CNR2: variants seen among roughly 807,000 people sequenced by gnomAD.
The protein encoded by CNR2 is cannabinoid receptor 2 (macrophage).
For synonymous variants in CNR2, 172 were observed against 182.2 expected (o/e 0.94, Z 0.45); for missense variants, 379 against 439.9 (o/e 0.86, Z 1.24).
Position 23,875,428 on chromosome 1 carries a change from G to GCC in CNR2, c.189_190insGG (p.Leu64GlyfsTer30). 1 of 1,614,252 alleles carries GCC rather than the reference G, an allele frequency of 6.2e-7. No homozygotes were observed. On this transcript the variant is annotated frameshift_variant, in exon 2 of 2. Coordinates refer to ENST00000374472, the MANE Select transcript of CNR2 (RefSeq NM_001841.3). LOFTEE classifies it high-confidence loss of function. ...AACAGGTATGAGGGCTTCCGGCGGA[G>GCC]TTGGTGGGAGGACAGGATCAGATAG...
chr1:23,875,334 T>C lies in CNR2; in HGVS notation c.284A>G (p.His95Arg), dbSNP rs746058590. ...CTTGGAATCCACACCATGGAAAACA[T>C]GGAAATTCACAAAGCTGCATGCAAA... is the stretch of plus-strand genomic sequence containing the variant. ...VVFACSFVNFHVFHGVDSKAV... is the reference protein window; with the variant it reads ...VVFACSFVNFRVFHGVDSKAV... Residue 95 changes from histidine (H) to arginine (R), a missense_variant, in exon 2 of 2, where the codon CAT becomes CGT. His to Arg is a conservative substitution (Grantham distance 29). Coordinates refer to ENST00000374472, the MANE Select transcript of CNR2 (RefSeq NM_001841.3). 1.2e-6 allele frequency: 2 copies of C among 1,614,118 alleles called. No individual in the cohort carries two copies. The highest frequency in any genetic ancestry group is 1.7e-6 in the Non-Finnish European group (2 of 1,180,034).
chr1:23,908,725 T>C (rs1640538831), intron 1 of CNR2, among the ~76,000 whole-genome samples: 1 of 152,060 alleles, frequency 6.6e-6, no homozygotes, highest in African/African-American at 2.4e-5. Context: ...TCTGGCTCCT[T>C]CCTTGCTCTC....
At chr1:23,892,171 G>A (rs1475273186) in intron 1 of CNR2, among the ~76,000 whole-genome samples, 1 of 152,222 alleles carries the variant, frequency 6.6e-6, no homozygotes, top group Non-Finnish European at 1.5e-5. Context: ...TGAACTAGAA[G>A]GATGGTGCCT....
At chr1:23,880,469 T>C (rs61778165) in intron 1 of CNR2, among the ~76,000 whole-genome samples, 9,338 of 152,132 alleles carry the variant, frequency 0.061, 358 homozygotes, top group South Asian at 0.12. Flanking sequence ...CCACTGCACC[T>C]AGCCCAACCT....
intron 1 of CNR2, among the ~76,000 whole-genome samples, chr1:23,904,434 C>T (rs1353965856): frequency 6.6e-6 from 1 of 152,100 alleles, no homozygotes; most frequent in African/African-American, 2.4e-5. Flanking sequence ...GTGCTGCTTC[C>T]AAGTGCTGGG....
chr1:23,912,081 C>A (rs1640597155), intron 1 of CNR2, among the ~76,000 whole-genome samples: 1 of 152,198 alleles, frequency 6.6e-6, no homozygotes, highest in Non-Finnish European at 1.5e-5. Context: ...CCTGTGCCCG[C>A]ATCAGACAGT....
At chr1:23,879,585 T>G (rs1226867836) in intron 1 of CNR2, among the ~76,000 whole-genome samples, 7 of 152,116 alleles carry the variant, frequency 4.6e-5, no homozygotes, top group Non-Finnish European at 8.8e-5. Flanking sequence ...CACACTCCAG[T>G]GTGGGTGACA....
At position 23,878,510 on chromosome 1, in the gene CNR2, G is replaced by C. The variant is rs149021696; in HGVS notation, c.-45-2848C>G. Among the ~76,000 whole-genome samples the C allele has an allele frequency of 8.9e-3, 1,347 of 151,616 alleles. 16 individuals carry two copies. Among genetic ancestry groups the C allele is most frequent in the African/African-American group, 0.027 (1,128 of 41,294 alleles). On this transcript the variant is annotated intron_variant, in intron 1 of 1. Coordinates refer to ENST00000374472, the MANE Select transcript of CNR2 (RefSeq NM_001841.3). ...TCTCCAGCTTCAGCCTCCTGACATA[G>C]CTGAGACTACAGGTGTGCACCACCA... is the stretch of plus-strand genomic sequence containing the variant.
intron 1 of CNR2, among the ~76,000 whole-genome samples, chr1:23,877,030 G>T (rs1433367284): frequency 6.6e-6 from 1 of 151,990 alleles, no homozygotes; most frequent in Non-Finnish European, 1.5e-5. Context: ...ACATATAAAG[G>T]CCCGTGAAAT....
intron 1 of CNR2, among the ~76,000 whole-genome samples, chr1:23,898,335 C>CCTT (rs1230917304): frequency 9.2e-6 from 1 of 108,194 alleles, no homozygotes. Context: ...CCGCGCCCGG[C>CCTT]TTTTTTTTTT....
At chr1:23,909,783 A>G (rs1428742951) in intron 1 of CNR2, among the ~76,000 whole-genome samples, 2 of 152,032 alleles carry the variant, frequency 1.3e-5, no homozygotes. Context: ...CACAGTAAAG[A>G]CAACCCTGAT....
At chr1:23,890,640 G>T (rs931078830) in intron 1 of CNR2, among the ~76,000 whole-genome samples, 38 of 151,930 alleles carry the variant, frequency 2.5e-4, no homozygotes, top group African/African-American at 7.0e-4. Context: ...AGCTACTCGG[G>T]AGGCTGAGGC....
intron 1 of CNR2, among the ~76,000 whole-genome samples, chr1:23,888,620 TGTAAGA>T (rs1440204497): frequency 2.0e-5 from 3 of 152,032 alleles, no homozygotes; most frequent in African/African-American, 7.2e-5. Flanking sequence ...GCTGTACAGA[TGTAAGA>T]GTAAAAGAGA....
At position 23,913,282 on chromosome 1, in the gene CNR2, G is replaced by A. The variant is rs1017356822; in HGVS notation, c.-82C>T. The A allele has an allele frequency of 5.2e-5, 8 of 153,424 alleles. No individual in the cohort carries two copies. Among genetic ancestry groups the A allele is most frequent in the Non-Finnish European group, 8.7e-5 (6 of 68,764 alleles). 9.5% of individuals were successfully genotyped at this position (153,424 alleles called of 1,614,324 possible). A position where few individuals can be genotyped will look rare whatever the true frequency, so the allele number is the denominator to read the frequency against. ...GGGTGGCTGGGCACTGGGAGCTGCCGGGGGCTGAGGAGTCCCAGTTGTTTT... is the reference window on the plus strand; with the variant it reads ...GGGTGGCTGGGCACTGGGAGCTGCCAGGGGCTGAGGAGTCCCAGTTGTTTT... On this transcript the variant is annotated 5_prime_UTR_variant, in exon 1 of 2. Coordinates refer to ENST00000374472, the MANE Select transcript of CNR2 (RefSeq NM_001841.3).
At chr1:23,889,020 A>G (rs1432516859) in intron 1 of CNR2, among the ~76,000 whole-genome samples, 1 of 152,176 alleles carries the variant, frequency 6.6e-6, no homozygotes, top group African/African-American at 2.4e-5. Context: ...GTGAACCACC[A>G]TGACCAAGTC....
In CNR2 at chr1:23,874,376, T is replaced by C. The variant is rs1639824708; in HGVS notation, c.*159A>G. On this transcript the variant is annotated 3_prime_UTR_variant, in exon 2 of 2. Transcript: ENST00000374472. ...TGTGCAGGTGGGCAAGGCCAGGCTG[T>C]CTTCCAGGAGTCAGTCCCAACACTC... 1 of 791,710 alleles carries C rather than the reference T, an allele frequency of 1.3e-6. No homozygotes were observed. Among genetic ancestry groups the C allele is most frequent in the African/African-American group, 1.7e-5 (1 of 57,508 alleles). The allele number at this position is 791,710 out of a possible 1,614,324, so 49.0% of individuals were successfully genotyped here. A position where few individuals can be genotyped will look rare whatever the true frequency, so the allele number is the denominator to read the frequency against.
intron 1 of CNR2, among the ~76,000 whole-genome samples, chr1:23,888,640 G>C (rs16828926): frequency 6.6e-6 from 1 of 151,942 alleles, no homozygotes; most frequent in African/African-American, 2.4e-5. Flanking sequence ...AAAGAGAAGC[G>C]GGAGTCTTTC....
At chr1:23,896,888 T>TTC (rs1413847201) in intron 1 of CNR2, among the ~76,000 whole-genome samples, 6 of 150,450 alleles carry the variant, frequency 4.0e-5, no homozygotes, top group Admixed American at 3.3e-4. Context: ...AGTGTTTTTT[T>TTC]TTTTTTTTCT....
intron 1 of CNR2, chr1:23,902,057 C>G: frequency 1.3e-6 from 2 of 1,561,702 alleles, no homozygotes; most frequent in South Asian, 2.2e-5. Flanking sequence ...GCGCCGTTGG[C>G]AAACTCCTCT....
Sources: allele counts gnomAD v4.1 joint callset (sites outside exome capture counted in the v4.1 genomes callset), GRCh38; gene constraint gnomAD v4.1.1; transcripts MANE v1.5; gene names NCBI Gene and HGNC (gene_info 2026-07-23, HGNC 2026-07-21).